SLC24A5: variants seen among roughly 807,000 people sequenced by gnomAD.
The protein encoded by SLC24A5 is solute carrier family 24 member 5.
A neutral mutation model predicts 51.6 loss-of-function variants in SLC24A5; 46 were observed. The observed-to-expected ratio is 0.89, with a 90% CI of 0.70 to 1.14. The LOEUF is 1.14. Among genes scored for constraint, SLC24A5 ranks in the 50% most tolerant of loss-of-function variants. The probability of loss-of-function intolerance (pLI) is 0.00; values close to 1 mark genes in which losing one functional copy is unlikely to be tolerated. For missense variants in SLC24A5, 581 were observed against 604.1 expected, an observed-to-expected ratio of 0.96 and a Z score of 0.40; for synonymous variants, 230 against 214.9, an observed-to-expected ratio of 1.07 and a Z score of -0.62.
At chr15:48,132,146 T>C (rs1430901733) in intron 2 of SLC24A5, among the ~76,000 whole-genome samples, 1 of 152,194 alleles carries the variant, frequency 6.6e-6, no homozygotes, top group Non-Finnish European at 1.5e-5. Flanking sequence ...CATGCAGGTC[T>C]TCTGTTTCTT....
intron 2 of SLC24A5, among the ~76,000 whole-genome samples, chr15:48,132,577 A>T (rs1047198447): frequency 6.6e-6 from 1 of 152,102 alleles, no homozygotes; most frequent in Non-Finnish European, 1.5e-5. Context: ...GTGGCTAAAA[A>T]CAACAATTAC....
intron 6 of SLC24A5, chr15:48,137,306 T>C (rs1404134431): frequency 4.5e-6 from 1 of 224,544 alleles, no homozygotes; most frequent in African/African-American, 2.3e-5. Context: ...CTTTAACTAA[T>C]GACATATGTT....
chr15:48,135,236 T>A (rs2038868351), intron 5 of SLC24A5: 2 of 310,744 alleles, frequency 6.4e-6, no homozygotes, highest in Non-Finnish European at 1.2e-5. Context: ...CTTTTCCTTC[T>A]CCCCACTGGC....
chr15:48,123,660 A>C (rs1246485050), intron 2 of SLC24A5: 1 of 152,144 alleles, frequency 6.6e-6, no homozygotes, highest in Non-Finnish European at 1.5e-5. Context: ...TTTTGTGTTA[A>C]TGTCATGCCC....
chr15:48,132,673 A>C (rs1451251115), intron 2 of SLC24A5, among the ~76,000 whole-genome samples: 1 of 152,128 alleles, frequency 6.6e-6, no homozygotes, highest in Non-Finnish European at 1.5e-5. Context: ...GGATGGAGCT[A>C]GAATCACCTG....
Position 48,121,842 on chromosome 15 carries a change from C to A in SLC24A5, c.122-15C>A. The stretch of plus-strand genomic sequence containing the variant: ...CTCCAAACTCTTCAAACTTTCACCT[C>A]CTTTTCCTTAACAGGAAATAGCACC... On this transcript the variant is annotated splice_polypyrimidine_tract_variant and intron_variant, in intron 1 of 8. Transcript: ENST00000341459. The A allele has an allele frequency of 8.1e-6, 13 of 1,613,820 alleles. No homozygotes were observed. Among genetic ancestry groups the A allele is most frequent in the Non-Finnish European group, 1.1e-5 (13 of 1,179,760 alleles).
chr15:48,135,850 A>T (rs1286771858), intron 5 of SLC24A5: 2 of 152,100 alleles, frequency 1.3e-5, no homozygotes, highest in African/African-American at 4.8e-5. Context: ...CCGTCTCCCT[A>T]AGACACTGTG....
chr15:48,128,861 T>C lies in SLC24A5; in HGVS notation c.302-5397T>C, dbSNP rs140300133. ...CTATTGCAGGAACAAGAAATAATAA[T>C]AAAGTTATGTATTATCTCTTTACTT... On this transcript the variant is annotated intron_variant, in intron 2 of 8. Transcript: ENST00000341459. 1.6e-3 allele frequency among the ~76,000 whole-genome samples: 246 copies of C among 152,276 alleles called. 6 individuals carry two copies. Among genetic ancestry groups the C allele is most frequent in the East Asian group, 0.015 (77 of 5,192 alleles).
chr15:48,125,286 T>A (rs981617640), intron 2 of SLC24A5, among the ~76,000 whole-genome samples: 1 of 149,374 alleles, frequency 6.7e-6, no homozygotes, highest in South Asian at 2.1e-4. Flanking sequence ...ATAATATATA[T>A]GATTTTATAT....
In SLC24A5 at chr15:48,134,351, G is replaced by A. The variant is rs760046033; in HGVS notation, c.385+10G>A. ...GTTACTGCTTTCCTAGGTAAATATT[G>A]CTCCTTATACTTCTTGCTTACTCAG... is the stretch of plus-strand genomic sequence containing the variant. On this transcript the variant is annotated intron_variant, in intron 3 of 8. Transcript: ENST00000341459. The A allele has an allele frequency of 6.2e-7, 1 of 1,613,104 alleles. No individual in the cohort carries two copies. Among genetic ancestry groups the A allele is most frequent in the Non-Finnish European group, 8.5e-7 (1 of 1,179,282 alleles).
intron 8 of SLC24A5, 115 bp downstream of exon 8, chr15:48,141,329 A>G: frequency 1.2e-6 from 1 of 809,888 alleles, no homozygotes; most frequent in Non-Finnish European, 1.9e-6. Flanking sequence ...CTGTAATCCC[A>G]GGATTTTGGG....
rs375342833 is a variant in SLC24A5, at chr15:48,142,311, G to C, written c.1463G>C (p.Gly488Ala). 25 of 1,609,090 alleles carry C rather than the reference G, an allele frequency of 1.6e-5. No homozygotes were observed. In the East Asian group the frequency reaches 2.7e-4, roughly 17 times the overall value. The change falls in exon 9 of 9, where the codon GGA (glycine) becomes GCA (alanine). Residue 488 changes from glycine (G) to alanine (A), a missense_variant. By Grantham distance (60) the Gly-to-Ala change is moderately conservative. Transcript: ENST00000341459. ...LATLSVLYEL[G>A]IIGNNKIRGC... is the part of the protein sequence containing the mutation. ...ACATTATCAGTTCTATATGAACTTG[G>C]AATTATTGGAAATAATAAAATAAGG...
chr15:48,121,808 A>C, intron 1 of SLC24A5, 49 bp from the exon 2 acceptor site: 1 of 1,584,932 alleles, frequency 6.3e-7, no homozygotes, highest in Non-Finnish European at 8.7e-7. Context: ...GTGGGCTTGG[A>C]ATGTGTGACT....
intron 7 of SLC24A5, 49 bp from the exon 8 acceptor site, chr15:48,141,064 G>A (rs1320640982): frequency 2.8e-6 from 4 of 1,422,914 alleles, no homozygotes; most frequent in Non-Finnish European, 3.9e-6. Context: ...TGCAAAGGAT[G>A]GTTAGTGAAT....
intron 2 of SLC24A5, among the ~76,000 whole-genome samples, chr15:48,126,117 C>G (rs780402099): frequency 6.6e-6 from 1 of 152,198 alleles, no homozygotes; most frequent in South Asian, 2.1e-4. Context: ...TGGTCTTGGT[C>G]TCCTAGAGCT....
Position 48,136,875 on chromosome 15 carries a change from A to G in SLC24A5, c.783A>G (p.Gln261=), listed in dbSNP as rs1385981861. 6.2e-7 allele frequency: 1 copy of G among 1,613,816 alleles called. No individual in the cohort carries two copies. Among genetic ancestry groups the G allele is most frequent in the Non-Finnish European group, 8.5e-7 (1 of 1,179,850 alleles). The change falls in exon 6 of 9, where the codon CAA becomes CAG. Residue 261 remains glutamine, a synonymous_variant. Coordinates refer to ENST00000341459, the MANE Select transcript of SLC24A5 (RefSeq NM_205850.3). ...AAGGTCAACCATTCATTCGTCGGCA[A>G]TCAAGAACTGATAGTGGAATATTTT... ...EDEGQPFIRR[Q]SRTDSGIFYE...
Position 48,142,445 on chromosome 15 carries a change from G to C in SLC24A5, c.*94G>C. On this transcript the variant is annotated 3_prime_UTR_variant, in exon 9 of 9. Transcript: ENST00000341459. ...ATTTAAATCAAATTTTAAAAATCTT[G>C]AACCTTAGAATCTAAAACTTACAGT... is the stretch of plus-strand genomic sequence containing the variant. 1 of 983,370 alleles carries C rather than the reference G, an allele frequency of 1.0e-6. No homozygotes were observed. Among genetic ancestry groups the C allele is most frequent in the Non-Finnish European group, 1.4e-6 (1 of 703,896 alleles). 60.9% of individuals were successfully genotyped at this position (983,370 alleles called of 1,614,324 possible). A position where few individuals can be genotyped will look rare whatever the true frequency, so the allele number is the denominator to read the frequency against.
intron 2 of SLC24A5, 45 bp from the exon 3 acceptor site, chr15:48,134,213 C>A: frequency 1.3e-6 from 2 of 1,510,800 alleles, no homozygotes; most frequent in Non-Finnish European, 1.8e-6. Context: ...TAAAGACATA[C>A]TCTTTCACTT....
At chr15:48,131,553 G>A (rs1478486569) in intron 2 of SLC24A5, among the ~76,000 whole-genome samples, 2 of 151,974 alleles carry the variant, frequency 1.3e-5, no homozygotes, top group African/African-American at 4.8e-5. Flanking sequence ...CTCACCATGT[G>A]ATCTCTGCAC....
Sources: allele counts gnomAD v4.1 joint callset (sites outside exome capture counted in the v4.1 genomes callset), GRCh38; gene constraint gnomAD v4.1.1; transcripts MANE v1.5; gene names NCBI Gene and HGNC (gene_info 2026-07-23, HGNC 2026-07-21).